CAMSAP1: variants seen among roughly 807,000 people sequenced by gnomAD.
CAMSAP1 encodes the protein calmodulin-regulated spectrin-associated protein 1.
In CAMSAP1, 58 loss-of-function variants were observed where a neutral mutation model predicts 143.5. The ratio of observed to expected loss-of-function variants is 0.40; its 90% CI spans 0.33 to 0.50. The LOEUF is 0.50. Ranked by LOEUF, CAMSAP1 falls within the 20% of genes least tolerant of loss-of-function variation. The probability of loss-of-function intolerance (pLI) is 0.45; values close to 1 mark genes in which losing one functional copy is unlikely to be tolerated. For missense variants in CAMSAP1, 1,969 were observed against 2,115.7 expected, an observed-to-expected ratio of 0.93 and a Z score of 1.36; for synonymous variants, 945 against 859.3, an observed-to-expected ratio of 1.10 and a Z score of -1.74.
At chr9:135,869,880 A>T (rs1837511073) in intron 3 of CAMSAP1, among the ~76,000 whole-genome samples, 3 of 152,324 alleles carry the variant, frequency 2.0e-5, no homozygotes, top group Middle Eastern at 3.4e-3. Flanking sequence ...ACCCGCTACA[A>T]CACAGAAGAA....
intron 1 of CAMSAP1, among the ~76,000 whole-genome samples, chr9:135,886,654 G>C (rs1225491356): frequency 6.6e-6 from 1 of 152,220 alleles, no homozygotes; most frequent in Admixed American, 6.5e-5. Context: ...AATGCAATGA[G>C]ACCACATCAA....
At chr9:135,897,446 G>A (rs1186871395) in intron 1 of CAMSAP1, among the ~76,000 whole-genome samples, 3 of 152,092 alleles carry the variant, frequency 2.0e-5, no homozygotes, top group Non-Finnish European at 4.4e-5. Context: ...GAACCACCAC[G>A]CCTGGCCCTC....
intron 7 of CAMSAP1, among the ~76,000 whole-genome samples, chr9:135,849,603 CAAG>C (rs979255404): frequency 2.0e-5 from 3 of 152,154 alleles, no homozygotes; most frequent in Admixed American, 6.5e-5. Context: ...ACATACATTG[CAAG>C]TACCTTTTCC....
Position 135,822,481 on chromosome 9 carries a change from T to C in CAMSAP1, c.2180A>G (p.Asp727Gly). Residue 727 changes from aspartate (D) to glycine (G), a missense_variant, in exon 11 of 17, where the codon GAT becomes GGT. This residue lies in a region of CAMSAP1 where 1,390 missense variants were observed against 1,420.8 expected (regional missense o/e 0.98). Coordinates refer to ENST00000389532, the MANE Select transcript of CAMSAP1 (RefSeq NM_015447.4). This position sits in a 1 kb window ranked among gnomAD's most constrained non-coding sequence, Gnocchi z 6.1. The stretch of plus-strand genomic sequence containing the variant: ...CCTGAGGAGAGTCCACGGCTCTGAA[T>C]CGTGGGAGTTGGGGCTTTTTGAACA... ...VSCSKSPNSH[D>G]SEPWTLLRQD... 6.2e-7 allele frequency: 1 copy of C among 1,613,942 alleles called. No homozygotes were observed.
intron 3 of CAMSAP1, among the ~76,000 whole-genome samples, chr9:135,871,994 C>T (rs1588491947): frequency 6.6e-6 from 1 of 151,624 alleles, no homozygotes; most frequent in Non-Finnish European, 1.5e-5. Context: ...CCCAGATACT[C>T]GGGAGGCTGG....
At position 135,809,785 on chromosome 9, in the gene CAMSAP1, GA is replaced by G. The variant is rs1330920804; in HGVS notation, c.*1523del. The G allele has an allele frequency of 6.6e-6, 1 of 152,526 alleles. No individual in the cohort carries two copies. Among genetic ancestry groups the G allele is most frequent in the Non-Finnish European group, 1.5e-5 (1 of 68,028 alleles). The allele number at this position is 152,526 out of a possible 1,614,324, so 9.4% of individuals were successfully genotyped here. A position where few individuals can be genotyped will look rare whatever the true frequency, so the allele number is the denominator to read the frequency against. On this transcript the variant is annotated 3_prime_UTR_variant, in exon 17 of 17. Transcript: ENST00000389532. ...TTACAGGACAGAGAGCGGCTGTGTCGAACACGATATATACAAAATCGCAAGA... is the reference window on the plus strand; with the variant it reads ...TTACAGGACAGAGAGCGGCTGTGTCGACACGATATATACAAAATCGCAAGA...
intron 7 of CAMSAP1, among the ~76,000 whole-genome samples, chr9:135,828,953 C>A (rs370138433): frequency 1.3e-5 from 2 of 152,062 alleles, no homozygotes; most frequent in Admixed American, 1.3e-4. Flanking sequence ...TTTTATCTGG[C>A]GAAGCAATAC....
Position 135,812,536 on chromosome 9 carries a change from G to A in CAMSAP1, c.4507-925C>T, listed in dbSNP as rs545873595. On this transcript the variant is annotated intron_variant, in intron 16 of 16. Transcript: ENST00000389532. ...CTTAGGGGGGTGACTGTTCACGGGC[G>A]TGGAGTTTCTTTTTATGAGGATGAA... Among the ~76,000 whole-genome samples the A allele has an allele frequency of 6.6e-5, 10 of 152,208 alleles. No homozygotes were observed. The East Asian group carries it at 9.7e-4, about 15-fold the overall frequency.
At chr9:135,836,041 A>G in intron 7 of CAMSAP1, 1 of 895,424 alleles carries the variant, frequency 1.1e-6, no homozygotes, top group Non-Finnish European at 1.3e-6. Flanking sequence ...CAGACTCAAA[A>G]AACAGCTTTT....
intron 7 of CAMSAP1, among the ~76,000 whole-genome samples, chr9:135,830,003 T>C (rs551237238): frequency 6.6e-6 from 1 of 151,718 alleles, no homozygotes; most frequent in East Asian, 1.9e-4. Flanking sequence ...TGAAGGTGAG[T>C]TGTCATCATC....
intron 1 of CAMSAP1, among the ~76,000 whole-genome samples, chr9:135,893,200 G>A (rs1167998208): frequency 6.6e-6 from 1 of 150,524 alleles, no homozygotes; most frequent in Non-Finnish European, 1.5e-5. Context: ...GAGAAGAGAA[G>A]GAGAGAGGAG....
chr9:135,883,404 G>A (rs118149586), intron 1 of CAMSAP1, among the ~76,000 whole-genome samples: 1,973 of 152,254 alleles, frequency 0.013, 17 homozygotes, highest in South Asian at 0.021. Flanking sequence ...TAACTTAACA[G>A]CAGTAAGAAG....
chr9:135,860,630 A>ACAGGT (rs1837153380), intron 5 of CAMSAP1, among the ~76,000 whole-genome samples: 1 of 150,840 alleles, frequency 6.6e-6, no homozygotes, highest in Non-Finnish European at 1.5e-5. Context: ...AAGTGCCAAG[A>ACAGGT]CAAGACCTGG....
At chr9:135,812,063 C>T (rs913505169) in intron 16 of CAMSAP1, among the ~76,000 whole-genome samples, 3 of 152,178 alleles carry the variant, frequency 2.0e-5, no homozygotes, top group African/African-American at 4.8e-5. Context: ...AACCATCAGG[C>T]AGTTACCGTG....
intron 4 of CAMSAP1, among the ~76,000 whole-genome samples, chr9:135,863,228 T>G (rs762679881): frequency 7.9e-5 from 12 of 152,112 alleles, no homozygotes; most frequent in Non-Finnish European, 1.5e-4. Context: ...GCTCAAGGAT[T>G]CCATGTTTCT....
chr9:135,818,859 G>C lies in CAMSAP1; in HGVS notation c.3959+151C>G, dbSNP rs1835337278. On this transcript the variant is annotated intron_variant, in intron 12 of 16. Coordinates refer to ENST00000389532, the MANE Select transcript of CAMSAP1 (RefSeq NM_015447.4). The surrounding 1 kb of genome is among the most constrained non-coding windows in gnomAD (Gnocchi z 7.7). ...CTCACTGAAGATCAGCAGGGGCCGT[G>C]AAAGTTCGGGGAGGTGGTCCATGGG... 6.0e-6 allele frequency: 8 copies of C among 1,322,890 alleles called. No individual in the cohort carries two copies. The highest frequency in any genetic ancestry group is 4.3e-5 in the South Asian group (3 of 69,676). 81.9% of individuals were successfully genotyped at this position (1,322,890 alleles called of 1,614,324 possible). A position where few individuals can be genotyped will look rare whatever the true frequency, so the allele number is the denominator to read the frequency against.
rs1837382901 is a variant in CAMSAP1 at position 135,866,475 on chromosome 9, T to C, written c.647A>G (p.Glu216Gly). ...CTTTACCTTTTGATGAGCTGGACTTTCCAATAACTGTTGTTTTAATTTAAC... is the reference window on the plus strand; with the variant it reads ...CTTTACCTTTTGATGAGCTGGACTTCCCAATAACTGTTGTTTTAATTTAAC... The part of the protein sequence containing the change: ...KEVKLKQQLL[E>G]SPAHQKVRYR... Residue 216 changes from glutamate (E) to glycine (G), a missense_variant, in exon 4 of 17, where the codon GAA becomes GGA. This residue lies in a region of CAMSAP1 where 221 missense variants were observed against 298.2 expected (regional missense o/e 0.74). Coordinates refer to ENST00000389532, the MANE Select transcript of CAMSAP1 (RefSeq NM_015447.4). 2 of 1,467,940 alleles carry C rather than the reference T, an allele frequency of 1.4e-6. No individual in the cohort carries two copies. The highest frequency in any genetic ancestry group is 1.9e-6 in the Non-Finnish European group (2 of 1,070,980). The allele number at this position is 1,467,940 out of a possible 1,614,324, so 90.9% of individuals were successfully genotyped here.
At chr9:135,889,837 C>T (rs1171520484) in intron 1 of CAMSAP1, among the ~76,000 whole-genome samples, 1 of 152,212 alleles carries the variant, frequency 6.6e-6, no homozygotes, top group Non-Finnish European at 1.5e-5. Flanking sequence ...CCCTCATTCA[C>T]ACCTCAGAAA....
At chr9:135,875,090 C>T (rs73559481) in intron 3 of CAMSAP1, among the ~76,000 whole-genome samples, 2,765 of 152,210 alleles carry the variant, frequency 0.018, 91 homozygotes, top group African/African-American at 0.064. Flanking sequence ...TCAATTCTCC[C>T]GAAATTCATC....
Sources: gnomAD v4.1 joint callset for allele counts (sites outside exome capture counted in the v4.1 genomes callset) on GRCh38, gnomAD v4.1.1 for gene constraint, gnomAD v4.1.1 regional missense constraint, Gnocchi (gnomAD v3.1) non-coding constraint, MANE v1.5 for transcripts, NCBI Gene and HGNC (gene_info 2026-07-23, HGNC 2026-07-21) for gene names.